PRSS50: variants seen among roughly 807,000 people sequenced by gnomAD.
The protein encoded by PRSS50 is probable threonine protease PRSS50.
Under a neutral mutation model 34.2 loss-of-function variants are expected in PRSS50, and 23 were observed. The ratio of observed to expected loss-of-function variants is 0.67; its 90% CI spans 0.48 to 0.95. The LOEUF is 0.95. Ranked by LOEUF, PRSS50 falls within the 40% of genes least tolerant of loss-of-function variation. PRSS50 has a pLI of 0.00. For missense variants in PRSS50, 484 were observed against 513.4 expected, an observed-to-expected ratio of 0.94 and a Z score of 0.55; for synonymous variants, 224 against 211.2, an observed-to-expected ratio of 1.06 and a Z score of -0.53.
At position 46,716,994 on chromosome 3, in the gene PRSS50, C is replaced by T. The variant is rs906852957; in HGVS notation, c.307+443G>A. On this transcript the variant is annotated intron_variant, in intron 2 of 5. Coordinates refer to ENST00000315170, the MANE Select transcript of PRSS50 (RefSeq NM_013270.5). This position sits in a 1 kb window ranked among gnomAD's most constrained non-coding sequence, Gnocchi z 4.4. ...AGCCACTGGGCAAGAGAACGTCTTACGTGTGCACCCTGGAGACACCACAGG... is the reference window on the plus strand; with the variant it reads ...AGCCACTGGGCAAGAGAACGTCTTATGTGTGCACCCTGGAGACACCACAGG... Among the ~76,000 whole-genome samples, 8 of 152,224 alleles carry T rather than the reference C, an allele frequency of 5.3e-5. No individual in the cohort carries two copies. The highest frequency in any genetic ancestry group is 8.8e-5 in the Non-Finnish European group (6 of 68,036).
rs575100135 is a variant in PRSS50, at chr3:46,712,772, C to A, written c.921+129G>T. The A allele has an allele frequency of 1.9e-5, 20 of 1,029,278 alleles. 1 individual carries two copies. In the East Asian group the frequency reaches 2.3e-4, roughly 12 times the overall value. 63.8% of individuals were successfully genotyped at this position (1,029,278 alleles called of 1,614,324 possible). A position where few individuals can be genotyped will look rare whatever the true frequency, so the allele number is the denominator to read the frequency against. On this transcript the variant is annotated intron_variant, in intron 5 of 5. Transcript: ENST00000315170. ...CCCAGTCTCCCCCGACATCCTCCAT[C>A]CCCATATCCCAGAGTCCTGCCCACC... is the stretch of plus-strand genomic sequence containing the variant.
At chr3:46,712,539 C>G (rs1700633995) in intron 5 of PRSS50, 57 bp from the exon 6 acceptor site, 1 of 1,535,292 alleles carries the variant, frequency 6.5e-7, no homozygotes, top group Admixed American at 1.7e-5. Flanking sequence ...CCAGAGACGA[C>G]CCAGCTCCAG....
chr3:46,717,810 G>A lies in PRSS50; in HGVS notation c.15C>T (p.Cys5=). Reference sequence around the variant, plus strand: ...GGCGCTGCCCGCGCGCGACGGTCTGGCACCAGCGACCCATCCCGGGGTGGC... The same window carrying A: ...GGCGCTGCCCGCGCGCGACGGTCTGACACCAGCGACCCATCCCGGGGTGGC... MGRW[C]QTVARGQRPR... Residue 5 remains cysteine, a synonymous_variant, in exon 1 of 6, where the codon TGC becomes TGT. Coordinates refer to ENST00000315170, the MANE Select transcript of PRSS50 (RefSeq NM_013270.5). This position sits in a 1 kb window ranked among gnomAD's most constrained non-coding sequence, Gnocchi z 4.5. 6.5e-7 allele frequency: 1 copy of A among 1,530,264 alleles called. No homozygotes were observed. The allele number at this position is 1,530,264 out of a possible 1,614,324, so 94.8% of individuals were successfully genotyped here.
rs370568010 is a variant in PRSS50, at chr3:46,714,204, A to G, written c.754+14T>C. On this transcript the variant is annotated intron_variant, in intron 4 of 5. Transcript: ENST00000315170. ...TCACAGCACCCGCCCTGGTCTGCAG[A>G]GGCTTTGACTCACCGTCAGCCTTGG... is the stretch of plus-strand genomic sequence containing the variant. The G allele has an allele frequency of 6.2e-7, 1 of 1,610,276 alleles. No homozygotes were observed. The highest frequency in any genetic ancestry group is 2.2e-5 in the East Asian group (1 of 44,754).
In PRSS50 at chr3:46,717,738, A is replaced by AAGC. The variant is rs143449678; in HGVS notation, c.84_86dup (p.Leu32dup). 0.068 allele frequency: 108,795 copies of AAGC among 1,593,702 alleles called. 4,223 individuals carry two copies. Among genetic ancestry groups the AAGC allele is most frequent in the South Asian group, 0.13 (11,509 of 88,400 alleles). On this transcript the variant is annotated inframe_insertion, in exon 1 of 6. Coordinates refer to ENST00000315170, the MANE Select transcript of PRSS50 (RefSeq NM_013270.5). The surrounding 1 kb of genome is among the most constrained non-coding windows in gnomAD (Gnocchi z 4.5). ...ACTCACCTGCAGACCTCAGCAACAG[A>AAGC]AGCAGCAGCAGCAGGGCACCGGCGC...
Position 46,717,501 on chromosome 3 carries a change from T to C in PRSS50, c.243A>G (p.Thr81=), listed in dbSNP as rs780614666. The change falls in exon 2 of 6, where the codon ACA becomes ACG. Residue 81 remains threonine, a synonymous_variant. Transcript: ENST00000315170. This position sits in a 1 kb window ranked among gnomAD's most constrained non-coding sequence, Gnocchi z 4.5. Reference sequence around the variant, plus strand: ...GGGTCTCCATGGTGGTCGAGGGCAGTGTCTGGGTGGTCGGGGTCTGCCAGA... The same window carrying C: ...GGGTCTCCATGGTGGTCGAGGGCAGCGTCTGGGTGGTCGGGGTCTGCCAGA... ...RLLWQTPTTQ[T]LPSTTMETQF... The C allele has an allele frequency of 6.2e-7, 1 of 1,613,764 alleles. No individual in the cohort carries two copies. The highest frequency in any genetic ancestry group is 1.3e-5 in the African/African-American group (1 of 74,870).
At position 46,717,830 on chromosome 3, in the gene PRSS50, G is replaced by C; in HGVS notation, c.-6C>G. 6.7e-7 allele frequency: 1 copy of C among 1,494,748 alleles called. No homozygotes were observed. The highest frequency in any genetic ancestry group is 8.9e-7 in the Non-Finnish European group (1 of 1,124,276). 92.6% of individuals were successfully genotyped at this position (1,494,748 alleles called of 1,614,324 possible). On this transcript the variant is annotated 5_prime_UTR_variant, in exon 1 of 6. Coordinates refer to ENST00000315170, the MANE Select transcript of PRSS50 (RefSeq NM_013270.5). This position sits in a 1 kb window ranked among gnomAD's most constrained non-coding sequence, Gnocchi z 4.5. Reference sequence around the variant, plus strand: ...GTCTGGCACCAGCGACCCATCCCGGGGTGGCAGCCGACTGCGTCTCTCCGG... The same window carrying C: ...GTCTGGCACCAGCGACCCATCCCGGCGTGGCAGCCGACTGCGTCTCTCCGG...
In PRSS50 at chr3:46,717,545, A is replaced by AAGGAC; in HGVS notation, c.194_198dup (p.Ser67ValfsTer85). On this transcript the variant is annotated frameshift_variant, in exon 2 of 6. Coordinates refer to ENST00000315170, the MANE Select transcript of PRSS50 (RefSeq NM_013270.5). LOFTEE classifies it high-confidence loss of function. The surrounding 1 kb of genome is among the most constrained non-coding windows in gnomAD (Gnocchi z 4.5). The stretch of plus-strand genomic sequence containing the variant: ...TGCCAGAGAAGGCGAGGCCGGCTGG[A>AAGGAC]AGGACAGGTGGCCTTGGGGACACAC... The AAGGAC allele has an allele frequency of 6.2e-7, 1 of 1,613,696 alleles. No individual in the cohort carries two copies. The highest frequency in any genetic ancestry group is 8.5e-7 in the Non-Finnish European group (1 of 1,179,960).
At position 46,716,650 on chromosome 3, in the gene PRSS50, T is replaced by C. The variant is rs1700688156; in HGVS notation, c.307+787A>G. On this transcript the variant is annotated intron_variant, in intron 2 of 5. Transcript: ENST00000315170. The surrounding 1 kb of genome is among the most constrained non-coding windows in gnomAD (Gnocchi z 4.4). ...CAACATCTGTGACACCGAGTGTCAG[T>C]GAGGATTATCACCCAGAATGCCTAC... Among the ~76,000 whole-genome samples the C allele has an allele frequency of 6.6e-6, 1 of 152,100 alleles. No homozygotes were observed. Among genetic ancestry groups the C allele is most frequent in the Admixed American group, 6.5e-5 (1 of 15,270 alleles).
Position 46,715,435 on chromosome 3 carries a change from G to C in PRSS50, c.470+100C>G. On this transcript the variant is annotated intron_variant, in intron 3 of 5. Transcript: ENST00000315170. The surrounding 1 kb of genome is among the most constrained non-coding windows in gnomAD (Gnocchi z 5.2). ...TGCTTGGAGCCCAGATGAGGCTGGG[G>C]CTGGGACTGTGGGCCCAGAACAGCT... 6.8e-7 allele frequency: 1 copy of C among 1,467,246 alleles called. No individual in the cohort carries two copies. Among genetic ancestry groups the C allele is most frequent in the South Asian group, 1.3e-5 (1 of 76,618 alleles). The allele number at this position is 1,467,246 out of a possible 1,614,324, so 90.9% of individuals were successfully genotyped here.
chr3:46,716,201 C>T lies in PRSS50; in HGVS notation c.308-504G>A, dbSNP rs1700682467. On this transcript the variant is annotated intron_variant, in intron 2 of 5. Coordinates refer to ENST00000315170, the MANE Select transcript of PRSS50 (RefSeq NM_013270.5). This position sits in a 1 kb window ranked among gnomAD's most constrained non-coding sequence, Gnocchi z 4.4. Reference sequence around the variant, plus strand: ...GCCAATGACCACAGAAGCTGCTCCGCCCTTAGTCTGCAGGGAAATGCAGAC... The same window carrying T: ...GCCAATGACCACAGAAGCTGCTCCGTCCTTAGTCTGCAGGGAAATGCAGAC... 1.3e-5 allele frequency among the ~76,000 whole-genome samples: 2 copies of T among 152,210 alleles called. No homozygotes were observed. The highest frequency in any genetic ancestry group is 1.3e-4 in the Admixed American group (2 of 15,284).
intron 5 of PRSS50, 118 bp from the exon 6 acceptor site, chr3:46,712,600 A>G: frequency 1.0e-6 from 1 of 983,428 alleles, no homozygotes; most frequent in Non-Finnish European, 1.5e-6. Flanking sequence ...CAGTGCCAAC[A>G]TAGGTGAGAA....
Position 46,717,328 on chromosome 3 carries a change from C to G in PRSS50, c.307+109G>C. On this transcript the variant is annotated intron_variant, in intron 2 of 5. Coordinates refer to ENST00000315170, the MANE Select transcript of PRSS50 (RefSeq NM_013270.5). This position sits in a 1 kb window ranked among gnomAD's most constrained non-coding sequence, Gnocchi z 4.5. ...TGAACACCTGTAGAAGGAGGCGCTC[C>G]TCTATCCTGCTCGCCCCCGTCCCTT... The G allele has an allele frequency of 7.8e-7, 1 of 1,274,536 alleles. No homozygotes were observed. The highest frequency in any genetic ancestry group is 1.1e-6 in the Non-Finnish European group (1 of 908,972). 79.0% of individuals were successfully genotyped at this position (1,274,536 alleles called of 1,614,324 possible). A position where few individuals can be genotyped will look rare whatever the true frequency, so the allele number is the denominator to read the frequency against.
In PRSS50 at chr3:46,717,608, C is replaced by A; in HGVS notation, c.136G>T (p.Ala46Ser). 6.2e-7 allele frequency: 1 copy of A among 1,613,204 alleles called. No individual in the cohort carries two copies. The highest frequency in any genetic ancestry group is 8.5e-7 in the Non-Finnish European group (1 of 1,179,752). The change falls in exon 2 of 6, where the codon GCG (alanine) becomes TCG (serine). Residue 46 changes from alanine (A) to serine (S), a missense_variant. Physicochemically the swap from Ala to Ser is moderately conservative, Grantham distance 99. Transcript: ENST00000315170. This position sits in a 1 kb window ranked among gnomAD's most constrained non-coding sequence, Gnocchi z 4.5. ...GCWGAGEAPG[A>S]LSTADPADQS... The stretch of plus-strand genomic sequence containing the variant: ...TCGGCGGGATCAGCAGTGGACAGCG[C>A]CCCCGGGGCTTCCCCTGCGCCCCAG...
intron 4 of PRSS50, 87 bp downstream of exon 4, chr3:46,714,131 A>G: frequency 2.0e-6 from 3 of 1,505,238 alleles, no homozygotes; most frequent in Non-Finnish European, 2.7e-6. Context: ...AAGGTGCCTC[A>G]GAAACATCCA....
rs1430851051 is a variant in PRSS50, at chr3:46,712,315, G to C, written c.1089C>G (p.Ala363=). The C allele has an allele frequency of 6.2e-7, 1 of 1,613,342 alleles. No individual in the cohort carries two copies. Among genetic ancestry groups the C allele is most frequent in the Non-Finnish European group, 8.5e-7 (1 of 1,179,792 alleles). Residue 363 remains alanine, a synonymous_variant, in exon 6 of 6, where the codon GCC becomes GCG. Coordinates refer to ENST00000315170, the MANE Select transcript of PRSS50 (RefSeq NM_013270.5). The part of the protein sequence containing the change: ...IWDCLNGQAL[A]LPAPSRTLLL... ...GCAGGGTCCTGGATGGGGCTGGCAG[G>C]GCCAGGGCCTGCCCGTTGAGGCAGT...
rs936415196 is a variant in PRSS50 at position 46,715,574 on chromosome 3, G to A, written c.431C>T (p.Ala144Val). The A allele has an allele frequency of 6.2e-7, 1 of 1,613,820 alleles. No homozygotes were observed. The change falls in exon 3 of 6, where the codon GCC becomes GTC. Residue 144 changes from alanine (A) to valine (V), a missense_variant. Coordinates refer to ENST00000315170, the MANE Select transcript of PRSS50 (RefSeq NM_013270.5). The surrounding 1 kb of genome is among the most constrained non-coding windows in gnomAD (Gnocchi z 5.2). ...GTHICAGTII[A>V]SQWVLTVAHC... is the part of the protein sequence containing the mutation. ...GGCCACAGTCAGCACCCACTGGGAG[G>A]CAATGATGGTGCCGGCACAGATGTG... is the stretch of plus-strand genomic sequence containing the variant.
chr3:46,717,521 G>A lies in PRSS50; in HGVS notation c.223C>T (p.Gln75Ter). 6 of 1,613,788 alleles carry A rather than the reference G, an allele frequency of 3.7e-6. No individual in the cohort carries two copies. Among genetic ancestry groups the A allele is most frequent in the Non-Finnish European group, 5.1e-6 (6 of 1,180,026 alleles). ...CPSSRPRLLW[Q>*]TPTTQTLPST... The stretch of plus-strand genomic sequence containing the variant: ...GGCAGTGTCTGGGTGGTCGGGGTCT[G>A]CCAGAGAAGGCGAGGCCGGCTGGAA... The change falls in exon 2 of 6, where the codon CAG (glutamine) becomes TAG (stop). Residue 75 changes from glutamine (Q) to a stop codon, truncating the protein, a stop_gained. Transcript: ENST00000315170. LOFTEE classifies it high-confidence loss of function. This position sits in a 1 kb window ranked among gnomAD's most constrained non-coding sequence, Gnocchi z 4.5.
In PRSS50 at chr3:46,712,500, G is replaced by A; in HGVS notation, c.922-18C>T. On this transcript the variant is annotated intron_variant, in intron 5 of 5. Coordinates refer to ENST00000315170, the MANE Select transcript of PRSS50 (RefSeq NM_013270.5). ...GTTAGCTCCTGTGGGAAGGGTTGGG[G>A]GAGTAAGGGTCAGGGAGGCCAGGCA... The A allele has an allele frequency of 6.2e-7, 1 of 1,612,498 alleles. No individual in the cohort carries two copies. Among genetic ancestry groups the A allele is most frequent in the Non-Finnish European group, 8.5e-7 (1 of 1,178,834 alleles).
Sources: gnomAD v4.1 joint callset for allele counts (sites outside exome capture counted in the v4.1 genomes callset) on GRCh38, gnomAD v4.1.1 for gene constraint, Gnocchi (gnomAD v3.1) non-coding constraint, MANE v1.5 for transcripts, NCBI Gene and HGNC (gene_info 2026-07-23, HGNC 2026-07-21) for gene names.